Variants in EVC observed in about 807,000 individuals in gnomAD.
The protein encoded by EVC is evC complex member EVC.
A neutral mutation model predicts 118.9 loss-of-function variants in EVC; 116 were observed. That is an observed-to-expected ratio of 0.98 (90% CI 0.84 to 1.14). The LOEUF (loss-of-function observed/expected upper bound fraction) is 1.14, where lower values mean the gene tolerates loss of function less well. Ranked by LOEUF, EVC falls within the 50% of genes most tolerant of loss-of-function variation. The pLI is 0.00. For synonymous variants in EVC, 619 were observed against 534.7 expected (o/e 1.16, Z -2.18); for missense variants, 1,401 against 1,246.4 (o/e 1.12, Z -1.87).
At chr4:5,815,670 C>T (rs756136714), downstream of EVC, among the ~76,000 whole-genome samples, 22 of 152,182 alleles carry the variant, frequency 1.4e-4, no homozygotes, top group Non-Finnish European at 2.6e-4. Flanking sequence ...GGAAGCCCCT[C>T]CCTCTATGGA....
chr4:5,808,625 C>T (rs898479733), intron 18 of EVC, among the ~76,000 whole-genome samples: 2 of 152,236 alleles, frequency 1.3e-5, no homozygotes. Context: ...ATTGAGCATT[C>T]CCCTGTGTGC....
rs1716306134 is a variant in EVC at position 5,808,213 on chromosome 4, G to T, written c.2574G>T (p.Gln858His). 1 of 1,420,760 alleles carries T rather than the reference G, an allele frequency of 7.0e-7. No homozygotes were observed. Among genetic ancestry groups the T allele is most frequent in the South Asian group, 1.1e-5 (1 of 88,748 alleles). The allele number at this position is 1,420,760 out of a possible 1,614,324, so 88.0% of individuals were successfully genotyped here. A position where few individuals can be genotyped will look rare whatever the true frequency, so the allele number is the denominator to read the frequency against. Residue 858 changes from glutamine to histidine, a missense_variant, in exon 18 of 21, where the codon CAG becomes CAT. Coordinates refer to ENST00000264956, the MANE Select transcript of EVC (RefSeq NM_153717.3). Reference sequence around the variant, plus strand: ...TTCCTCCCCCCAGGATGCTGTCCCAGCAGAAGAGGTTCCTGGCCCAGTTCC... The same window carrying T: ...TTCCTCCCCCCAGGATGCTGTCCCATCAGAAGAGGTTCCTGGCCCAGTTCC... ...SQAVHQRMLS[Q>H]QKRFLAQFPV...
intron 17 of EVC, among the ~76,000 whole-genome samples, 190 bp from the exon 18 acceptor site, chr4:5,808,011 C>T (rs1306773621): frequency 6.6e-6 from 1 of 152,190 alleles, no homozygotes; most frequent in African/African-American, 2.4e-5. Context: ...AAAGGGCGTC[C>T]ACTTTGATGG....
intron 11 of EVC, among the ~76,000 whole-genome samples, chr4:5,759,204 A>AG (rs1731637236): frequency 6.6e-6 from 1 of 152,206 alleles, no homozygotes; most frequent in African/African-American, 2.4e-5. Flanking sequence ...GCAGAGGGTC[A>AG]GTCTGAGGAC....
chr4:5,752,562 G>T, intron 8 of EVC: 1 of 550,474 alleles, frequency 1.8e-6, no homozygotes, highest in East Asian at 3.2e-5. Context: ...CTCCTAGGAG[G>T]GTGGCCCTCT....
chr4:5,775,594 C>T (rs371187439), intron 11 of EVC, among the ~76,000 whole-genome samples: 3 of 152,288 alleles, frequency 2.0e-5, no homozygotes, highest in East Asian at 1.9e-4. Context: ...GAGATCCATC[C>T]GTGTGGTTGT....
At chr4:5,824,721 C>T in the EVC span, 169 of 985,042 alleles carry the variant, frequency 1.7e-4, no homozygotes, top group African/African-American at 2.6e-3. Context: ...ATTTACTATC[C>T]GGCCTTCTAA....
At chr4:5,741,852 T>C (rs1362529083) in intron 6 of EVC, 38 bp downstream of exon 6, 1 of 1,123,560 alleles carries the variant, frequency 8.9e-7, no homozygotes, top group East Asian at 2.5e-5. Flanking sequence ...AACTTAAAAA[T>C]AGTTTATTAT....
intron 5 of EVC, among the ~76,000 whole-genome samples, chr4:5,734,705 C>G (rs1167786087): frequency 1.3e-5 from 2 of 152,204 alleles, no homozygotes; most frequent in Non-Finnish European, 2.9e-5. Context: ...CTGGAAGAAG[C>G]TTGGGCTCTG....
intron 20 of EVC, 95 bp from the exon 21 acceptor site, chr4:5,810,858 G>C: frequency 8.3e-7 from 1 of 1,200,570 alleles, no homozygotes; most frequent in South Asian, 1.3e-5. Context: ...ATCACCTTTG[G>C]CTGCATTTTC....
At chr4:5,828,462 G>A in the EVC span, 1 of 1,605,856 alleles carries the variant, frequency 6.2e-7, no homozygotes, top group Non-Finnish European at 8.5e-7. Flanking sequence ...CCCACGGGTG[G>A]GCCCGCTCCC....
the EVC span, chr4:5,826,916 C>T: frequency 6.5e-6 from 1 of 152,920 alleles, no homozygotes; most frequent in Non-Finnish European, 1.5e-5. Flanking sequence ...AACGGCCCTC[C>T]CCTCTGTCCC....
At chr4:5,758,155 C>T in intron 11 of EVC, 1 of 701,586 alleles carries the variant, frequency 1.4e-6, no homozygotes, top group South Asian at 1.5e-5. Context: ...AGTGATGCAG[C>T]CACAAGCCGA....
At chr4:5,713,661 A>G (rs11939833) in intron 1 of EVC, among the ~76,000 whole-genome samples, 111,294 of 134,258 alleles carry the variant, frequency 0.83, 46,189 homozygotes, top group African/African-American at 0.91. Context: ...TGGGCGATAG[A>G]GCAAGGCTCC....
At position 5,731,717 on chromosome 4, in the gene EVC, C is replaced by T. The variant is rs1381829850; in HGVS notation, c.617+60C>T. On this transcript the variant is annotated intron_variant, in intron 4 of 20. Transcript: ENST00000264956. This position sits in a 1 kb window ranked among gnomAD's most constrained non-coding sequence, Gnocchi z 5.6. ...AGTCCTCTTGGAGTGGGCCGGGAGT[C>T]ACATCATTGTCAGAGGAGGAAACAG... 2.0e-6 allele frequency: 3 copies of T among 1,481,034 alleles called. No homozygotes were observed. The South Asian group carries it at 3.5e-5, about 18-fold the overall frequency. The allele number at this position is 1,481,034 out of a possible 1,614,324, so 91.7% of individuals were successfully genotyped here.
At chr4:5,732,558 A>T (rs1349481803) in intron 4 of EVC, among the ~76,000 whole-genome samples, 1 of 152,212 alleles carries the variant, frequency 6.6e-6, no homozygotes, top group Non-Finnish European at 1.5e-5. Flanking sequence ...AAGGTCAAAG[A>T]CTTTTACACT....
At chr4:5,748,634 GCCCTCCCACCCATTTATCCA>G in intron 8 of EVC, among the ~76,000 whole-genome samples, 1 of 89,958 alleles carries the variant, frequency 1.1e-5, no homozygotes, top group Non-Finnish European at 2.3e-5. Flanking sequence ...CCATCCATCT[GCCCTCCCACCCATTTATCCA>G]TCCATCCATC....
chr4:5,782,710 C>T (rs922732060), intron 11 of EVC, among the ~76,000 whole-genome samples: 1 of 151,956 alleles, frequency 6.6e-6, no homozygotes, highest in African/African-American at 2.4e-5. Context: ...CAGCCGGAGC[C>T]ATCTCTGAGC....
chr4:5,753,077 C>T, intron 9 of EVC, 25 bp downstream of exon 9: 8 of 1,555,284 alleles, frequency 5.1e-6, no homozygotes, highest in Non-Finnish European at 7.0e-6. Context: ...TGGGTGCCGC[C>T]GTCCACAACA....
Sources: gnomAD v4.1 joint callset for allele counts (sites outside exome capture counted in the v4.1 genomes callset) on GRCh38, gnomAD v4.1.1 for gene constraint, Gnocchi (gnomAD v3.1) non-coding constraint, MANE v1.5 for transcripts, NCBI Gene and HGNC (gene_info 2026-07-23, HGNC 2026-07-21) for gene names.